The following PDCD6IP variants were observed in gnomAD, a reference collection of about 807,000 sequenced individuals.
PDCD6IP encodes programmed cell death 6-interacting protein.
Under a neutral mutation model 103.7 loss-of-function variants are expected in PDCD6IP, and 43 were observed. The observed-to-expected ratio is 0.41, with a 90% CI of 0.32 to 0.53. PDCD6IP has a LOEUF of 0.53. Ranked by LOEUF, PDCD6IP falls within the 20% of genes least tolerant of loss-of-function variation. The probability of loss-of-function intolerance (pLI) is 0.16; values close to 1 mark genes in which losing one functional copy is unlikely to be tolerated. For missense variants in PDCD6IP, 871 were observed against 1,036.7 expected (o/e 0.84, Z 2.20); for synonymous variants, 354 against 378.7 (o/e 0.93, Z 0.76).
At chr3:33,854,148 C>T (rs1400327460) in intron 14 of PDCD6IP, 135 bp downstream of exon 14, 25 of 957,776 alleles carry the variant, frequency 2.6e-5, no homozygotes, top group South Asian at 4.4e-5. Context: ...ATTGCTGCTG[C>T]GAAGTTTGTT....
chr3:33,814,682 TATA>T (rs971906622), intron 3 of PDCD6IP, among the ~76,000 whole-genome samples: 9 of 146,262 alleles, frequency 6.2e-5, no homozygotes, highest in East Asian at 2.0e-4. Context: ...TATATGTGTA[TATA>T]ATGTGTATTA....
intron 1 of PDCD6IP, among the ~76,000 whole-genome samples, chr3:33,804,643 A>G (rs778637604): frequency 1.3e-5 from 2 of 152,218 alleles, no homozygotes; most frequent in Non-Finnish European, 2.9e-5. Flanking sequence ...TATCAGGACT[A>G]TCATCATTCT....
At chr3:33,805,912 T>G (rs1696586647) in intron 1 of PDCD6IP, among the ~76,000 whole-genome samples, 1 of 151,860 alleles carries the variant, frequency 6.6e-6, no homozygotes, top group Non-Finnish European at 1.5e-5. Context: ...GCCCGGCTAA[T>G]TTTTTTGTGT....
intron 15 of PDCD6IP, among the ~76,000 whole-genome samples, chr3:33,858,736 G>C (rs1697885833): frequency 1.3e-5 from 2 of 152,116 alleles, no homozygotes; most frequent in African/African-American, 4.8e-5. Flanking sequence ...CGTGAACCCG[G>C]GAGGCGGAGC....
intron 7 of PDCD6IP, chr3:33,835,442 C>G (rs1295018097): frequency 2.5e-6 from 1 of 392,244 alleles, no homozygotes; most frequent in African/African-American, 2.1e-5. Context: ...CCAGACAGGG[C>G]ACAGTGGCGC....
intron 7 of PDCD6IP, chr3:33,835,243 A>C (rs1180902417): frequency 2.2e-6 from 1 of 456,468 alleles, no homozygotes; most frequent in African/African-American, 2.0e-5. Flanking sequence ...TTGTTGGATA[A>C]TTTTTTTCAG....
intron 6 of PDCD6IP, chr3:33,828,645 G>A (rs1575919841): frequency 2.7e-6 from 1 of 369,540 alleles, no homozygotes; most frequent in East Asian, 4.5e-5. Flanking sequence ...CCCTTCAATT[G>A]GAAGAAAAAA....
chr3:33,843,673 C>T (rs1697523520), intron 10 of PDCD6IP, among the ~76,000 whole-genome samples: 2 of 152,196 alleles, frequency 1.3e-5, no homozygotes, highest in African/African-American at 2.4e-5. Flanking sequence ...ATCCTGTCAT[C>T]TTATCTGTGC....
chr3:33,799,698 A>T (rs1339736314), intron 1 of PDCD6IP, among the ~76,000 whole-genome samples: 1 of 152,190 alleles, frequency 6.6e-6, no homozygotes, highest in East Asian at 1.9e-4. Flanking sequence ...TTATAGTTAA[A>T]CATTTCTTTT....
At chr3:33,815,757 T>G (rs1456030300) in intron 3 of PDCD6IP, among the ~76,000 whole-genome samples, 1 of 152,218 alleles carries the variant, frequency 6.6e-6, no homozygotes, top group Non-Finnish European at 1.5e-5. Context: ...TCCTCTTTAG[T>G]AGAAAGGTTG....
At chr3:33,863,971 A>G (rs754592765) in intron 15 of PDCD6IP, 35 bp from the exon 16 acceptor site, 6 of 1,428,132 alleles carry the variant, frequency 4.2e-6, no homozygotes, top group South Asian at 3.6e-5. Flanking sequence ...ATTTTTTTCT[A>G]TCATGTTAAT....
chr3:33,824,491 C>T (rs982520644), intron 4 of PDCD6IP, among the ~76,000 whole-genome samples: 14 of 152,102 alleles, frequency 9.2e-5, no homozygotes, highest in Admixed American at 6.6e-4. Context: ...CTCCTGACCT[C>T]AGGTAATCTG....
intron 3 of PDCD6IP, among the ~76,000 whole-genome samples, chr3:33,817,599 A>C (rs1696883155): frequency 6.6e-6 from 1 of 152,102 alleles, no homozygotes; most frequent in Non-Finnish European, 1.5e-5. Flanking sequence ...CAAAAAATAA[A>C]AAAATTAGCC....
At chr3:33,861,682 G>A (rs1697959687) in intron 15 of PDCD6IP, among the ~76,000 whole-genome samples, 1 of 152,180 alleles carries the variant, frequency 6.6e-6, no homozygotes, top group Non-Finnish European at 1.5e-5. Context: ...CAATATATGA[G>A]AGTCCTGGTT....
intron 15 of PDCD6IP, among the ~76,000 whole-genome samples, chr3:33,859,828 C>G (rs995128535): frequency 1.5e-4 from 23 of 152,240 alleles, no homozygotes; most frequent in South Asian, 1.5e-3. Flanking sequence ...TTTTGGGAGT[C>G]TATTCTGAGG....
At chr3:33,813,968 G>A (rs945803482) in intron 3 of PDCD6IP, among the ~76,000 whole-genome samples, 1 of 152,170 alleles carries the variant, frequency 6.6e-6, no homozygotes, top group African/African-American at 2.4e-5. Flanking sequence ...AGCAGACAAT[G>A]TTTGAGTTAG....
At chr3:33,812,219 T>A in intron 2 of PDCD6IP, 93 bp downstream of exon 2, 1 of 1,465,172 alleles carries the variant, frequency 6.8e-7, no homozygotes, top group African/African-American at 1.4e-5. Context: ...TATGAGATAG[T>A]GTTATAAAAA....
intron 1 of PDCD6IP, among the ~76,000 whole-genome samples, chr3:33,802,677 A>C (rs887923218): frequency 6.6e-6 from 1 of 151,892 alleles, no homozygotes; most frequent in Non-Finnish European, 1.5e-5. Flanking sequence ...TTTGGTAGAG[A>C]CGGGCTTTCT....
chr3:33,811,164 C>A, intron 1 of PDCD6IP: 1 of 361,172 alleles, frequency 2.8e-6, no homozygotes, highest in South Asian at 2.1e-5. Context: ...GGATTACAGG[C>A]GTGATCTGCT....
Sources: allele counts gnomAD v4.1 joint callset (sites outside exome capture counted in the v4.1 genomes callset), GRCh38; gene constraint gnomAD v4.1.1; transcripts MANE v1.5; gene names NCBI Gene and HGNC (gene_info 2026-07-23, HGNC 2026-07-21).